Variants in DCHS2 observed in about 807,000 individuals in gnomAD.
DCHS2 encodes the protein dachsous cadherin-related 2.
A neutral mutation model predicts 182.4 loss-of-function variants in DCHS2; 142 were observed. The ratio of observed to expected loss-of-function variants is 0.78; its 90% CI spans 0.68 to 0.89. The LOEUF (loss-of-function observed/expected upper bound fraction) is 0.89, where lower values mean the gene tolerates loss of function less well. DCHS2 is among the 40% of genes least tolerant of loss of function. The probability of loss-of-function intolerance (pLI) is 0.00; values close to 1 mark genes in which losing one functional copy is unlikely to be tolerated. For synonymous variants in DCHS2, 1,740 were observed against 1,663.3 expected (o/e 1.05, Z -1.12); for missense variants, 4,319 against 4,198.6 (o/e 1.03, Z -0.79).
intron 1 of DCHS2, among the ~76,000 whole-genome samples, chr4:154,394,442 TG>T (rs1731848675): frequency 6.6e-6 from 1 of 152,170 alleles, no homozygotes; most frequent in Non-Finnish European, 1.5e-5. Flanking sequence ...GCTTCAATTT[TG>T]TAGAAACCGA....
chr4:154,236,920 A>G lies in DCHS2; in HGVS notation c.7732T>C (p.Trp2578Arg), dbSNP rs772952074. ...LVTFSNIDHDWTRENTYVEYS... is the reference protein window; with the variant it reads ...LVTFSNIDHDRTRENTYVEYS... ...TCAACATATGTGTTTTCACGGGTCCAGTCATGGTCGATGTTTGAAAATGTA... is the reference window on the plus strand; with the variant it reads ...TCAACATATGTGTTTTCACGGGTCCGGTCATGGTCGATGTTTGAAAATGTA... Residue 2578 changes from tryptophan to arginine, a missense_variant, in exon 20 of 20, where the codon TGG (tryptophan) becomes CGG (arginine). Physicochemically the swap from Trp to Arg is moderately radical, Grantham distance 101 (BLOSUM62 -3). Coordinates refer to ENST00000357232, the MANE Select transcript of DCHS2 (RefSeq NM_001358235.2). 2.5e-6 allele frequency: 4 copies of G among 1,614,104 alleles called. No homozygotes were observed. Among genetic ancestry groups the G allele is most frequent in the Non-Finnish European group, 3.4e-6 (4 of 1,179,952 alleles).
At chr4:154,485,055 T>A (rs4696592) in intron 1 of DCHS2, among the ~76,000 whole-genome samples, 13 of 152,146 alleles carry the variant, frequency 8.5e-5, no homozygotes, top group African/African-American at 2.2e-4. Flanking sequence ...ACTTTCTACC[T>A]CAACATACCA....
chr4:154,439,459 T>C (rs1417967471), intron 1 of DCHS2, among the ~76,000 whole-genome samples: 1 of 152,214 alleles, frequency 6.6e-6, no homozygotes, highest in Admixed American at 6.5e-5. Context: ...TTAGTTAATA[T>C]TACACTGAAG....
chr4:154,341,313 G>A (rs1561055313), intron 3 of DCHS2, among the ~76,000 whole-genome samples: 1 of 149,118 alleles, frequency 6.7e-6, no homozygotes, highest in Non-Finnish European at 1.5e-5. Context: ...AGGCTGCAGT[G>A]AGCCGAGACC....
chr4:154,300,617 G>T (rs1285097549), intron 12 of DCHS2, among the ~76,000 whole-genome samples: 1 of 152,110 alleles, frequency 6.6e-6, no homozygotes, highest in South Asian at 2.1e-4. Flanking sequence ...AGCCTGACAG[G>T]GGGTACAGGC....
chr4:154,464,622 A>G (rs1735161749), intron 1 of DCHS2, among the ~76,000 whole-genome samples: 1 of 152,240 alleles, frequency 6.6e-6, no homozygotes. Flanking sequence ...TCTCACGTAT[A>G]GTAAAGATTT....
At chr4:154,430,063 G>A (rs1452304208) in intron 1 of DCHS2, among the ~76,000 whole-genome samples, 1 of 152,152 alleles carries the variant, frequency 6.6e-6, no homozygotes, top group Non-Finnish European at 1.5e-5. Flanking sequence ...GAGTAATGTA[G>A]GTGTCTCCTA....
At chr4:154,287,508 C>G (rs1734457478) in intron 13 of DCHS2, among the ~76,000 whole-genome samples, 2 of 152,118 alleles carry the variant, frequency 1.3e-5, no homozygotes, top group Admixed American at 6.6e-5. Flanking sequence ...TGATAAGGAG[C>G]CTTACTCTGT....
chr4:154,362,357 C>T (rs1730162738), intron 3 of DCHS2, among the ~76,000 whole-genome samples: 2 of 152,114 alleles, frequency 1.3e-5, no homozygotes, highest in Admixed American at 1.3e-4. Context: ...CTCCATATAT[C>T]AATGAAACTC....
Position 154,234,958 on chromosome 4 carries a change from A to T in DCHS2, c.9694T>A (p.Tyr3232Asn). The T allele has an allele frequency of 6.2e-7, 1 of 1,614,084 alleles. No homozygotes were observed. Among genetic ancestry groups the T allele is most frequent in the South Asian group, 1.1e-5 (1 of 91,078 alleles). The stretch of plus-strand genomic sequence containing the variant: ...CAACTAAGAAGATAATTCCAGTGAT[A>T]GTTGTCTTTTCCATCATGATCAGAG... ...TTSDHDGKDN[Y>N]HWNYLLSWEP... Residue 3232 changes from tyrosine to asparagine, a missense_variant, in exon 20 of 20, where the codon TAT (tyrosine) becomes AAT (asparagine). Physicochemically the swap from Tyr to Asn is moderately radical, Grantham distance 143 (BLOSUM62 -2). Transcript: ENST00000357232.
At chr4:154,399,174 T>C (rs915302170) in intron 1 of DCHS2, among the ~76,000 whole-genome samples, 1 of 152,210 alleles carries the variant, frequency 6.6e-6, no homozygotes, top group Non-Finnish European at 1.5e-5. Flanking sequence ...TGAGAGCAAC[T>C]TCCATTTTCC....
chr4:154,465,218 G>A (rs1040775669), intron 1 of DCHS2, among the ~76,000 whole-genome samples: 3 of 152,056 alleles, frequency 2.0e-5, no homozygotes, highest in African/African-American at 7.2e-5. Context: ...GCCTTGACTG[G>A]GTCTGAAGGA....
chr4:154,268,129 AT>A (rs1733380565), intron 14 of DCHS2, among the ~76,000 whole-genome samples: 1 of 152,064 alleles, frequency 6.6e-6, no homozygotes, highest in Admixed American at 6.6e-5. Flanking sequence ...TTTCTTCACA[AT>A]TTCACAAGTA....
At chr4:154,439,309 T>A (rs909791366) in intron 1 of DCHS2, among the ~76,000 whole-genome samples, 4 of 152,212 alleles carry the variant, frequency 2.6e-5, no homozygotes, top group Non-Finnish European at 5.9e-5. Flanking sequence ...AATTGAAAGC[T>A]ACTATCAAAT....
intron 13 of DCHS2, among the ~76,000 whole-genome samples, chr4:154,278,040 C>T (rs1163763117): frequency 3.8e-5 from 3 of 79,998 alleles, no homozygotes; most frequent in African/African-American, 1.3e-4. Context: ...GACTCCATCA[C>T]ACACACAAAA....
rs1293690493 is a variant in DCHS2 at position 154,478,722 on chromosome 4, C to A, written c.2052+10582G>T. On this transcript the variant is annotated intron_variant, in intron 1 of 19. Coordinates refer to ENST00000357232, the MANE Select transcript of DCHS2 (RefSeq NM_001358235.2). Reference sequence around the variant, plus strand: ...ATTTCTGACTGACCTCTGAGCTCCACATGCATGGGATATGGACTGAAAACA... The same window carrying A: ...ATTTCTGACTGACCTCTGAGCTCCAAATGCATGGGATATGGACTGAAAACA... Among the ~76,000 whole-genome samples, 4 of 152,246 alleles carry A rather than the reference C, an allele frequency of 2.6e-5. No individual in the cohort carries two copies. The East Asian group carries it at 5.8e-4, about 22-fold the overall frequency.
chr4:154,378,512 GGAAGGAAA>G (rs1236551978), intron 1 of DCHS2, among the ~76,000 whole-genome samples: 8 of 56,946 alleles, frequency 1.4e-4, no homozygotes, highest in Admixed American at 1.3e-3. Flanking sequence ...AAGGAAGGAA[GGAAGGAAA>G]GAAGGAAGGA....
intron 1 of DCHS2, among the ~76,000 whole-genome samples, chr4:154,440,138 C>T (rs1271976204): frequency 6.6e-6 from 1 of 152,208 alleles, no homozygotes; most frequent in African/African-American, 2.4e-5. Context: ...AAGTGCTTCA[C>T]TTTCCTTATC....
chr4:154,342,574 C>T (rs1242717326), intron 3 of DCHS2, among the ~76,000 whole-genome samples: 1 of 152,158 alleles, frequency 6.6e-6, no homozygotes, highest in African/African-American at 2.4e-5. Flanking sequence ...TCACATCTTC[C>T]CCAGGAGTAG....
Sources: allele counts gnomAD v4.1 joint callset (sites outside exome capture counted in the v4.1 genomes callset), GRCh38; gene constraint gnomAD v4.1.1; transcripts MANE v1.5; gene names NCBI Gene and HGNC (gene_info 2026-07-23, HGNC 2026-07-21).